Variants in CDH4 observed in about 807,000 individuals in gnomAD.
CDH4 encodes cadherin-4.
CDH4 carries 33 observed loss-of-function variants against 86.0 expected under a neutral mutation model. The observed-to-expected ratio is 0.38, with a 90% CI of 0.29 to 0.51. The LOEUF is 0.51. Among genes scored for constraint, CDH4 ranks in the 20% least tolerant of loss-of-function variants. CDH4 has a pLI of 0.86. For missense variants in CDH4, 1,114 were observed against 1,307.4 expected (o/e 0.85, Z 2.28); for synonymous variants, 555 against 549.4 (o/e 1.01, Z -0.14).
intron 2 of CDH4, among the ~76,000 whole-genome samples, chr20:61,432,430 G>T (rs2085252722): frequency 6.6e-6 from 1 of 152,100 alleles, no homozygotes; most frequent in Non-Finnish European, 1.5e-5. Flanking sequence ...ATCATCTCAT[G>T]CATCTTCTTT....
intron 2 of CDH4, among the ~76,000 whole-genome samples, chr20:61,571,744 C>G (rs951032849): frequency 6.6e-6 from 1 of 151,328 alleles, no homozygotes; most frequent in African/African-American, 2.4e-5. Flanking sequence ...CTCCCCTTCT[C>G]ACTCTTTCCC....
Position 61,658,620 on chromosome 20 carries a change from C to T in CDH4, c.170-84943C>T, listed in dbSNP as rs150315000. On this transcript the variant is annotated intron_variant, in intron 2 of 15. Transcript: ENST00000614565. The stretch of plus-strand genomic sequence containing the variant: ...ACCAGTGTGGCCCTGGGCAGGGGCT[C>T]GCCACCCCATACATGTCCTGGCCCA... Among the ~76,000 whole-genome samples the T allele has an allele frequency of 6.8e-3, 1,028 of 152,288 alleles. 8 individuals carry two copies. The highest frequency in any genetic ancestry group is 0.018 in the African/African-American group (737 of 41,548).
intron 2 of CDH4, among the ~76,000 whole-genome samples, chr20:61,722,221 A>G (rs2088050812): frequency 6.6e-6 from 1 of 152,022 alleles, no homozygotes. Flanking sequence ...GTGACATTGT[A>G]TTTATTGCAG....
At chr20:61,753,791 C>T (rs898007810) in intron 3 of CDH4, among the ~76,000 whole-genome samples, 1 of 152,236 alleles carries the variant, frequency 6.6e-6, no homozygotes, top group African/African-American at 2.4e-5. Context: ...CACGGCCAGG[C>T]GGGTCCAGGC....
At chr20:61,803,197 A>ACAACG (rs10622443) in intron 4 of CDH4, among the ~76,000 whole-genome samples, 1 of 151,834 alleles carries the variant, frequency 6.6e-6, no homozygotes, top group African/African-American at 2.4e-5. Context: ...GGACGGGCTG[A>ACAACG]GGTCTTCCTC....
intron 4 of CDH4, among the ~76,000 whole-genome samples, chr20:61,822,172 A>T (rs144451964): frequency 6.6e-6 from 1 of 152,356 alleles, no homozygotes; most frequent in African/African-American, 2.4e-5. Flanking sequence ...GCTCTAACGT[A>T]CTGATGAATT....
chr20:61,484,024 G>A (rs985162205), intron 2 of CDH4, among the ~76,000 whole-genome samples: 1 of 152,050 alleles, frequency 6.6e-6, no homozygotes, highest in Admixed American at 6.6e-5. Flanking sequence ...TCCAGATGCT[G>A]CTCTTGGTAT....
At chr20:61,868,159 G>T (rs1983632977) in intron 6 of CDH4, among the ~76,000 whole-genome samples, 1 of 152,212 alleles carries the variant, frequency 6.6e-6, no homozygotes, top group South Asian at 2.1e-4. Flanking sequence ...GGACTCTGGG[G>T]TCTGGGCCAG....
intron 2 of CDH4, among the ~76,000 whole-genome samples, chr20:61,562,849 G>A (rs189658659): frequency 1.2e-4 from 18 of 152,306 alleles, no homozygotes; most frequent in East Asian, 1.9e-4. Context: ...CACTGTCATC[G>A]GATGGAAGAG....
At chr20:61,892,132 T>G (rs534037106) in intron 7 of CDH4, among the ~76,000 whole-genome samples, 1 of 152,350 alleles carries the variant, frequency 6.6e-6, no homozygotes. Flanking sequence ...ATAATAGTGA[T>G]GCGCAGATTC....
At chr20:61,877,972 G>T (rs1984112495) in intron 7 of CDH4, among the ~76,000 whole-genome samples, 1 of 152,152 alleles carries the variant, frequency 6.6e-6, no homozygotes, top group Admixed American at 6.5e-5. Context: ...AGCAGACTGT[G>T]ACAGGGTCAT....
chr20:61,929,540 T>C, intron 12 of CDH4, 69 bp from the exon 13 acceptor site: 1 of 1,234,520 alleles, frequency 8.1e-7, no homozygotes. Context: ...TTTAGTCTTT[T>C]CCTTTGGACG....
intron 2 of CDH4, among the ~76,000 whole-genome samples, chr20:61,502,918 A>AC (rs2085714912): frequency 1.3e-5 from 2 of 152,218 alleles, no homozygotes; most frequent in Non-Finnish European, 2.9e-5. Context: ...CAATTTATTT[A>AC]CTAAAACAGT....
intron 2 of CDH4, among the ~76,000 whole-genome samples, chr20:61,280,706 G>A (rs976425591): frequency 6.6e-6 from 1 of 152,216 alleles, no homozygotes; most frequent in Non-Finnish European, 1.5e-5. Context: ...ATCTAGTGAT[G>A]GGGATGTGGG....
chr20:61,513,520 G>A (rs141313725), intron 2 of CDH4, among the ~76,000 whole-genome samples: 1 of 152,308 alleles, frequency 6.6e-6, no homozygotes, highest in Non-Finnish European at 1.5e-5. Flanking sequence ...GCACCAGGCC[G>A]CCATGGCGCA....
chr20:61,426,540 A>G (rs2085216320), intron 2 of CDH4, among the ~76,000 whole-genome samples: 1 of 152,196 alleles, frequency 6.6e-6, no homozygotes, highest in Admixed American at 6.5e-5. Context: ...CCTGTTTGCT[A>G]ATCCCTTCCC....
chr20:61,298,316 G>T (rs777760101), intron 2 of CDH4, among the ~76,000 whole-genome samples: 1 of 152,086 alleles, frequency 6.6e-6, no homozygotes, highest in Non-Finnish European at 1.5e-5. Context: ...TCGGGGATTA[G>T]ACGGAAGTGC....
chr20:61,261,480 C>G (rs2084127335), intron 2 of CDH4, among the ~76,000 whole-genome samples: 1 of 152,166 alleles, frequency 6.6e-6, no homozygotes, highest in Non-Finnish European at 1.5e-5. Context: ...CTGTCCAGTC[C>G]TTGGTATACG....
At chr20:61,483,915 G>A (rs574807754) in intron 2 of CDH4, among the ~76,000 whole-genome samples, 25 of 152,182 alleles carry the variant, frequency 1.6e-4, no homozygotes, top group African/African-American at 3.4e-4. Flanking sequence ...ATCTTACCAC[G>A]TTTTCTTTCC....
Sources: gnomAD v4.1 joint callset for allele counts (sites outside exome capture counted in the v4.1 genomes callset) on GRCh38, gnomAD v4.1.1 for gene constraint, MANE v1.5 for transcripts, NCBI Gene and HGNC (gene_info 2026-07-23, HGNC 2026-07-21) for gene names.